Variants in MAP4K3 observed in about 807,000 individuals in gnomAD.
MAP4K3 encodes mitogen-activated protein kinase kinase kinase kinase 3.
MAP4K3 carries 94 observed loss-of-function variants against 143.5 expected under a neutral mutation model. The observed-to-expected ratio is 0.65, with a 90% CI of 0.55 to 0.78. The LOEUF is 0.78. Among genes scored for constraint, MAP4K3 ranks in the 30% least tolerant of loss-of-function variants. The pLI is 0.00. For synonymous variants in MAP4K3, 416 were observed against 347.2 expected, an observed-to-expected ratio of 1.20 and a Z score of -2.20; for missense variants, 1,077 against 1,068.1, an observed-to-expected ratio of 1.01 and a Z score of -0.12.
chr2:39,431,768 C>T (rs1665296947), intron 1 of MAP4K3, among the ~76,000 whole-genome samples: 1 of 152,210 alleles, frequency 6.6e-6, no homozygotes, highest in South Asian at 2.1e-4. Context: ...ACAATGACCA[C>T]ACTTTTTTGT....
intron 12 of MAP4K3, among the ~76,000 whole-genome samples, chr2:39,319,195 T>C (rs140249472): frequency 6.6e-6 from 1 of 152,064 alleles, no homozygotes; most frequent in East Asian, 1.9e-4. Context: ...TTAGGTCTTC[T>C]CATCTTTTTC....
intron 1 of MAP4K3, among the ~76,000 whole-genome samples, chr2:39,403,699 A>G (rs1311679953): frequency 6.6e-6 from 1 of 151,876 alleles, no homozygotes; most frequent in Non-Finnish European, 1.5e-5. Flanking sequence ...CGTAGGGCTG[A>G]GTGGGGCTTG....
chr2:39,322,887 C>T (rs535976173), intron 12 of MAP4K3, among the ~76,000 whole-genome samples: 1 of 152,116 alleles, frequency 6.6e-6, no homozygotes, highest in Admixed American at 6.5e-5. Context: ...CCAAGCTGGT[C>T]CCAAACTCCT....
intron 1 of MAP4K3, among the ~76,000 whole-genome samples, chr2:39,415,980 A>AATATATAT (rs1553318574): frequency 0.045 from 656 of 14,658 alleles, 43 homozygotes; most frequent in Middle Eastern, 0.1. Context: ...AAAAAAAAAA[A>AATATATAT]ATATATATAT....
chr2:39,409,588 T>C (rs1558340530), intron 1 of MAP4K3, among the ~76,000 whole-genome samples: 1 of 152,148 alleles, frequency 6.6e-6, no homozygotes, highest in Non-Finnish European at 1.5e-5. Flanking sequence ...AAAGCTAAAC[T>C]AGATGTTTCA....
intron 18 of MAP4K3, among the ~76,000 whole-genome samples, chr2:39,290,578 T>C (rs1286562977): frequency 6.6e-6 from 1 of 152,054 alleles, no homozygotes; most frequent in Non-Finnish European, 1.5e-5. Flanking sequence ...CACCGCATGA[T>C]CTTACTCATG....
intron 1 of MAP4K3, among the ~76,000 whole-genome samples, chr2:39,387,656 G>A (rs1226233824): frequency 1.3e-5 from 2 of 152,198 alleles, no homozygotes; most frequent in Admixed American, 6.5e-5. Context: ...AAGACGCAAT[G>A]AAGAGACAAT....
At chr2:39,300,946 C>T (rs1682481289) in intron 15 of MAP4K3, among the ~76,000 whole-genome samples, 2 of 152,188 alleles carry the variant, frequency 1.3e-5, no homozygotes, top group South Asian at 4.1e-4. Flanking sequence ...ACTGACTGCA[C>T]CATAAATAAA....
At chr2:39,390,289 C>T (rs1397385420) in intron 1 of MAP4K3, among the ~76,000 whole-genome samples, 1 of 152,160 alleles carries the variant, frequency 6.6e-6, no homozygotes, top group Non-Finnish European at 1.5e-5. Context: ...ATGCCAGTAG[C>T]ACCTACACTG....
chr2:39,421,305 A>C (rs1022352523), intron 1 of MAP4K3, among the ~76,000 whole-genome samples: 5 of 152,112 alleles, frequency 3.3e-5, no homozygotes, highest in African/African-American at 1.2e-4. Context: ...TTCTGGAAGT[A>C]AGACTGCCTG....
chr2:39,262,067 T>C (rs753087713), intron 28 of MAP4K3, among the ~76,000 whole-genome samples: 1 of 152,252 alleles, frequency 6.6e-6, no homozygotes, highest in Non-Finnish European at 1.5e-5. Context: ...ATATTTTTGT[T>C]GCTTTTATAA....
intron 12 of MAP4K3, among the ~76,000 whole-genome samples, chr2:39,324,694 A>C (rs974006252): frequency 4.6e-5 from 7 of 152,186 alleles, no homozygotes; most frequent in African/African-American, 1.7e-4. Context: ...AGTAGAGTTA[A>C]AGCCTATCCA....
At position 39,404,744 on chromosome 2, in the gene MAP4K3, C is replaced by T. The variant is rs542165661; in HGVS notation, c.97-26621G>A. On this transcript the variant is annotated intron_variant, in intron 1 of 33. Transcript: ENST00000263881. ...TCAAGCGATTCTCCTGCCTCAGCTT[C>T]CTGAGTAGCTGGGATTATAGGCTTG... is the stretch of plus-strand genomic sequence containing the variant. 2.0e-5 allele frequency among the ~76,000 whole-genome samples: 3 copies of T among 151,520 alleles called. No homozygotes were observed. In the South Asian group the frequency reaches 6.2e-4, roughly 32 times the overall value.
chr2:39,334,693 G>A (rs1288159720), intron 6 of MAP4K3, among the ~76,000 whole-genome samples: 3 of 152,090 alleles, frequency 2.0e-5, no homozygotes, highest in African/African-American at 4.8e-5. Context: ...TGTACATTAT[G>A]GCCTTTCTCT....
intron 13 of MAP4K3, among the ~76,000 whole-genome samples, chr2:39,311,437 G>A (rs1358610524): frequency 6.6e-6 from 1 of 152,170 alleles, no homozygotes; most frequent in African/African-American, 2.4e-5. Context: ...GGGTACTTGT[G>A]GAAGCCAGCC....
At chr2:39,422,477 T>C (rs1021403532) in intron 1 of MAP4K3, among the ~76,000 whole-genome samples, 6 of 152,152 alleles carry the variant, frequency 3.9e-5, no homozygotes, top group South Asian at 2.1e-4. Flanking sequence ...ACCAAATCTA[T>C]TGAGACCTTG....
At chr2:39,297,247 A>G (rs1475381661) in intron 16 of MAP4K3, among the ~76,000 whole-genome samples, 2 of 151,856 alleles carry the variant, frequency 1.3e-5, no homozygotes, top group African/African-American at 4.8e-5. Flanking sequence ...CCTCCCGAGT[A>G]GCTGGGACCT....
chr2:39,314,705 T>C (rs899458679), intron 13 of MAP4K3, among the ~76,000 whole-genome samples: 1 of 152,180 alleles, frequency 6.6e-6, no homozygotes, highest in African/African-American at 2.4e-5. Flanking sequence ...CAGTATTGGA[T>C]CCCATGTGAA....
At chr2:39,411,254 A>G (rs1012117983) in intron 1 of MAP4K3, among the ~76,000 whole-genome samples, 1 of 152,226 alleles carries the variant, frequency 6.6e-6, no homozygotes, top group African/African-American at 2.4e-5. Flanking sequence ...ACAGAAAGCC[A>G]GTAAGTTTGA....
Sources: gnomAD v4.1 joint callset for allele counts (sites outside exome capture counted in the v4.1 genomes callset) on GRCh38, gnomAD v4.1.1 for gene constraint, MANE v1.5 for transcripts, NCBI Gene and HGNC (gene_info 2026-07-23, HGNC 2026-07-21) for gene names.